RAPGEF6: variants seen among roughly 807,000 people sequenced by gnomAD.
RAPGEF6 encodes PDZ domain containing guanine nucleotide exchange factor (GEF) 2.
Under a neutral mutation model 171.4 loss-of-function variants are expected in RAPGEF6, and 56 were observed. The observed-to-expected ratio is 0.33, with a 90% confidence interval of 0.26 to 0.41. RAPGEF6 has a LOEUF of 0.41. RAPGEF6 is among the 10% of genes least tolerant of loss of function. RAPGEF6 has a pLI of 1.00. For missense variants in RAPGEF6, 1,674 were observed against 1,921.4 expected, an observed-to-expected ratio of 0.87 and a Z score of 2.41; for synonymous variants, 692 against 650.1, an observed-to-expected ratio of 1.06 and a Z score of -0.98.
intron 4 of RAPGEF6, among the ~76,000 whole-genome samples, chr5:131,579,248 G>C (rs962756529): frequency 6.6e-6 from 1 of 152,150 alleles, no homozygotes; most frequent in Non-Finnish European, 1.5e-5. Flanking sequence ...AGACCTTCCC[G>C]GTGAGTGTTA....
At chr5:131,488,383 G>C (rs1033527589) in intron 15 of RAPGEF6, among the ~76,000 whole-genome samples, 1 of 152,162 alleles carries the variant, frequency 6.6e-6, no homozygotes, top group Non-Finnish European at 1.5e-5. Context: ...TAGAGAAACT[G>C]AAGCTTGGAA....
intron 4 of RAPGEF6, among the ~76,000 whole-genome samples, chr5:131,585,980 A>C (rs972915797): frequency 1.3e-5 from 2 of 152,148 alleles, no homozygotes; most frequent in Non-Finnish European, 2.9e-5. Flanking sequence ...AAACGTATAA[A>C]ACAAAATTGT....
chr5:131,432,805 T>C (rs1458294082), intron 25 of RAPGEF6, among the ~76,000 whole-genome samples: 2 of 152,196 alleles, frequency 1.3e-5, no homozygotes, highest in African/African-American at 4.8e-5. Context: ...TGACCTCTGG[T>C]GTAGAGATCC....
chr5:131,452,339 C>T (rs918360536), intron 21 of RAPGEF6, among the ~76,000 whole-genome samples: 12 of 151,978 alleles, frequency 7.9e-5, no homozygotes, highest in African/African-American at 2.4e-4. Context: ...CTTAAAATAT[C>T]AGGTTAATAC....
intron 15 of RAPGEF6, 68 bp from the exon 16 acceptor site, chr5:131,479,821 T>C: frequency 6.7e-7 from 1 of 1,503,608 alleles, no homozygotes; most frequent in Non-Finnish European, 9.1e-7. Context: ...CAACAACAAA[T>C]TTTAAGGATA....
At chr5:131,536,038 T>C (rs1363901391) in intron 6 of RAPGEF6, among the ~76,000 whole-genome samples, 3 of 152,126 alleles carry the variant, frequency 2.0e-5, no homozygotes, top group Non-Finnish European at 4.4e-5. Flanking sequence ...CAATCTGCAA[T>C]GAAATATTAT....
intron 11 of RAPGEF6, 46 bp from the exon 12 acceptor site, chr5:131,498,653 C>A: frequency 6.5e-7 from 1 of 1,547,768 alleles, no homozygotes; most frequent in African/African-American, 1.4e-5. Context: ...ACAAATGACC[C>A]AAGAACCAAA....
intron 5 of RAPGEF6, among the ~76,000 whole-genome samples, chr5:131,551,026 G>A (rs1409184637): frequency 6.6e-6 from 1 of 152,120 alleles, no homozygotes; most frequent in East Asian, 1.9e-4. Context: ...CAAGACATTT[G>A]CCAAAATAGG....
At chr5:131,615,056 C>T (rs757790345) in intron 1 of RAPGEF6, among the ~76,000 whole-genome samples, 5 of 152,194 alleles carry the variant, frequency 3.3e-5, no homozygotes, top group Non-Finnish European at 5.9e-5. Flanking sequence ...TAGGGACCAG[C>T]AGTCTGTGAT....
chr5:131,450,758 G>C (rs1176887207), intron 21 of RAPGEF6, among the ~76,000 whole-genome samples: 1 of 152,104 alleles, frequency 6.6e-6, no homozygotes, highest in African/African-American at 2.4e-5. Context: ...TTACATTTTA[G>C]CACTGGCTGA....
intron 12 of RAPGEF6, among the ~76,000 whole-genome samples, chr5:131,497,318 A>C (rs31253): frequency 0.77 from 117,628 of 152,158 alleles, 45,806 homozygotes; most frequent in African/African-American, 0.83. Context: ...CATTGTCTTA[A>C]CTTTCTGGAC....
At chr5:131,457,024 G>C (rs1252657769) in intron 19 of RAPGEF6, among the ~76,000 whole-genome samples, 1 of 152,174 alleles carries the variant, frequency 6.6e-6, no homozygotes, top group Non-Finnish European at 1.5e-5. Context: ...CTCCAAAGCA[G>C]AACTCTTTCT....
At chr5:131,549,700 T>G (rs1005928986) in intron 5 of RAPGEF6, among the ~76,000 whole-genome samples, 1 of 151,854 alleles carries the variant, frequency 6.6e-6, no homozygotes, top group Non-Finnish European at 1.5e-5. Flanking sequence ...AAAAGTTATG[T>G]GAATATGGTC....
chr5:131,548,747 T>C (rs1760716140), intron 5 of RAPGEF6, among the ~76,000 whole-genome samples: 1 of 152,202 alleles, frequency 6.6e-6, no homozygotes, highest in African/African-American at 2.4e-5. Flanking sequence ...TATTAAGTAG[T>C]TAGTTCACAC....
intron 1 of RAPGEF6, among the ~76,000 whole-genome samples, chr5:131,633,784 C>A (rs927379403): frequency 6.6e-6 from 1 of 152,166 alleles, no homozygotes; most frequent in Non-Finnish European, 1.5e-5. Context: ...CAATACACAT[C>A]GTAAGCCTTG....
intron 3 of RAPGEF6, among the ~76,000 whole-genome samples, chr5:131,593,296 C>T (rs993812803): frequency 6.6e-5 from 10 of 152,114 alleles, no homozygotes; most frequent in Non-Finnish European, 1.3e-4. Context: ...CAATGTTATC[C>T]CAAGGAATTT....
chr5:131,452,219 CAAAAA>C (rs11464750), intron 21 of RAPGEF6, among the ~76,000 whole-genome samples: 1 of 143,406 alleles, frequency 7.0e-6, no homozygotes. Context: ...GACTCCGTCT[CAAAAA>C]AAAAAAAAAA....
chr5:131,479,815 A>G, intron 15 of RAPGEF6, 62 bp from the exon 16 acceptor site: 1 of 1,524,286 alleles, frequency 6.6e-7, no homozygotes, highest in Non-Finnish European at 8.9e-7. Flanking sequence ...TTATACCAAC[A>G]ACAAATTTTA....
chr5:131,552,987 CA>C (rs1260065423), intron 5 of RAPGEF6, among the ~76,000 whole-genome samples: 1 of 152,034 alleles, frequency 6.6e-6, no homozygotes, highest in African/African-American at 2.4e-5. Flanking sequence ...AACTTTCAAA[CA>C]AAAGAAAATT....
Sources: gnomAD v4.1 joint callset for allele counts (sites outside exome capture counted in the v4.1 genomes callset) on GRCh38, gnomAD v4.1.1 for gene constraint, MANE v1.5 for transcripts, NCBI Gene and HGNC (gene_info 2026-07-23, HGNC 2026-07-21) for gene names.